The following RBPMS variants were observed in gnomAD, a reference collection of about 807,000 sequenced individuals.
The protein encoded by RBPMS is RNA binding protein, mRNA processing factor, also known as RNA-binding protein with multiple splicing.
In RBPMS, 7 loss-of-function variants were observed where a neutral mutation model predicts 26.8. The ratio of observed to expected loss-of-function variants is 0.26; its 90% CI spans 0.15 to 0.49. The LOEUF (loss-of-function observed/expected upper bound fraction) is 0.49. Among genes scored for constraint, RBPMS ranks in the 20% least tolerant of loss-of-function variants. The pLI, the probability that RBPMS is intolerant of heterozygous loss-of-function variation, is 0.98. For synonymous variants in RBPMS, 96 were observed against 93.3 expected (o/e 1.03, Z -0.17); for missense variants, 186 against 250.0 (o/e 0.74, Z 1.73).
intron 4 of RBPMS, among the ~76,000 whole-genome samples, chr8:30,483,083 A>G (rs1442029093): frequency 6.6e-6 from 1 of 152,114 alleles, no homozygotes; most frequent in Admixed American, 6.5e-5. Flanking sequence ...AATTGTCATT[A>G]TTGTCTAGTA....
chr8:30,454,538 A>G (rs1407437646), intron 1 of RBPMS, among the ~76,000 whole-genome samples: 1 of 152,210 alleles, frequency 6.6e-6, no homozygotes, highest in Non-Finnish European at 1.5e-5. Context: ...GTTGTTATTT[A>G]GAGAAATGAA....
At chr8:30,415,368 A>G (rs1454181765) in intron 1 of RBPMS, among the ~76,000 whole-genome samples, 2 of 152,266 alleles carry the variant, frequency 1.3e-5, no homozygotes, top group East Asian at 3.9e-4. Flanking sequence ...TCTGCTTTTC[A>G]GTCCTTGCTG....
intron 1 of RBPMS, among the ~76,000 whole-genome samples, chr8:30,472,509 G>A (rs75246373): frequency 0.011 from 1,715 of 152,266 alleles, 34 homozygotes; most frequent in African/African-American, 0.038. Context: ...TCTTGGTTGT[G>A]ATGTTTCTTA....
At chr8:30,420,966 T>G (rs1810712955) in intron 1 of RBPMS, among the ~76,000 whole-genome samples, 1 of 152,176 alleles carries the variant, frequency 6.6e-6, no homozygotes. Flanking sequence ...TTAGTGACAT[T>G]ATCAGTTAAA....
At chr8:30,389,134 A>G (rs1052516573) in intron 1 of RBPMS, among the ~76,000 whole-genome samples, 4 of 152,238 alleles carry the variant, frequency 2.6e-5, no homozygotes, top group Non-Finnish European at 5.9e-5. Flanking sequence ...GAATGGTTTT[A>G]TACAATTTAA....
chr8:30,523,433 G>T (rs924827896), intron 5 of RBPMS, among the ~76,000 whole-genome samples: 1 of 151,268 alleles, frequency 6.6e-6, no homozygotes, highest in African/African-American at 2.4e-5. Context: ...TTACCTCACT[G>T]AGCTGTAATA....
intron 1 of RBPMS, among the ~76,000 whole-genome samples, chr8:30,432,340 C>A (rs956664558): frequency 6.6e-6 from 1 of 152,164 alleles, no homozygotes; most frequent in African/African-American, 2.4e-5. Flanking sequence ...GTTAGCCCTG[C>A]ATCTCATTTA....
intron 1 of RBPMS, among the ~76,000 whole-genome samples, chr8:30,393,284 A>AC (rs2150551909): frequency 6.6e-6 from 1 of 151,590 alleles, no homozygotes; most frequent in East Asian, 1.9e-4. Flanking sequence ...CTGTTTATAA[A>AC]CCTCCCAAAC....
At chr8:30,488,827 G>A (rs1035639834) in intron 4 of RBPMS, among the ~76,000 whole-genome samples, 18 of 152,152 alleles carry the variant, frequency 1.2e-4, no homozygotes, top group African/African-American at 3.4e-4. Flanking sequence ...TACTAAATTT[G>A]TTAATTGAGG....
intron 1 of RBPMS, among the ~76,000 whole-genome samples, chr8:30,425,103 G>A (rs749174076): frequency 6.6e-6 from 1 of 151,904 alleles, no homozygotes; most frequent in South Asian, 2.1e-4. Flanking sequence ...CTACAGGCAT[G>A]CATCACCACG....
chr8:30,464,050 A>G (rs1816235771), intron 1 of RBPMS, among the ~76,000 whole-genome samples: 1 of 152,184 alleles, frequency 6.6e-6, no homozygotes, highest in Admixed American at 6.5e-5. Flanking sequence ...GCTACTTGAC[A>G]GGCTTAGGCA....
At chr8:30,412,014 CAGA>C (rs1809503737) in intron 1 of RBPMS, among the ~76,000 whole-genome samples, 1 of 150,136 alleles carries the variant, frequency 6.7e-6, no homozygotes, top group Non-Finnish European at 1.5e-5. Flanking sequence ...AAAACAAAAA[CAGA>C]AGAAGGAAAT....
At chr8:30,490,667 T>C (rs1363658897) in intron 4 of RBPMS, among the ~76,000 whole-genome samples, 6 of 152,164 alleles carry the variant, frequency 3.9e-5, no homozygotes, top group African/African-American at 1.4e-4. Context: ...CACCATACCA[T>C]GTTGGTCAGG....
At chr8:30,556,164 G>T (rs1563448028) in intron 6 of RBPMS, 1 of 985,420 alleles carries the variant, frequency 1.0e-6, no homozygotes. Flanking sequence ...ATGAATTCAG[G>T]GGTCTGTGTG....
At chr8:30,387,858 C>CT (rs1356849501) in intron 1 of RBPMS, among the ~76,000 whole-genome samples, 2 of 152,148 alleles carry the variant, frequency 1.3e-5, no homozygotes, top group Non-Finnish European at 2.9e-5. Flanking sequence ...AATAATTGTG[C>CT]TGAAATGCCT....
intron 5 of RBPMS, among the ~76,000 whole-genome samples, chr8:30,512,276 G>A (rs906867787): frequency 6.6e-6 from 1 of 151,564 alleles, no homozygotes; most frequent in Non-Finnish European, 1.5e-5. Context: ...ATGCTTTTTT[G>A]TTTTTGTTTA....
At chr8:30,418,653 A>G (rs1810379454) in intron 1 of RBPMS, among the ~76,000 whole-genome samples, 2 of 152,122 alleles carry the variant, frequency 1.3e-5, no homozygotes, top group African/African-American at 4.8e-5. Flanking sequence ...ATCTTGTCTC[A>G]CTGCAACCTC....
chr8:30,465,242 A>T (rs1816369950), intron 1 of RBPMS, among the ~76,000 whole-genome samples: 1 of 152,202 alleles, frequency 6.6e-6, no homozygotes, highest in South Asian at 2.1e-4. Context: ...GTATACACAC[A>T]TATATCTAGT....
intron 6 of RBPMS, chr8:30,556,617 C>G (rs1261839060): frequency 2.0e-6 from 2 of 986,192 alleles, no homozygotes; most frequent in Non-Finnish European, 2.4e-6. Context: ...TCCACACTGA[C>G]CCAGTGCACA....
Sources: allele counts gnomAD v4.1 joint callset (sites outside exome capture counted in the v4.1 genomes callset), GRCh38; gene constraint gnomAD v4.1.1; transcripts MANE v1.5; gene names NCBI Gene and HGNC (gene_info 2026-07-23, HGNC 2026-07-21).